RUNX2: variants seen among roughly 807,000 people sequenced by gnomAD.
RUNX2 encodes RUNX family transcription factor 2.
A neutral mutation model predicts 51.7 loss-of-function variants in RUNX2; 10 were observed. The observed-to-expected ratio is 0.19, with a 90% confidence interval of 0.12 to 0.33. The LOEUF (loss-of-function observed/expected upper bound fraction) is 0.33, where lower values mean the gene tolerates loss of function less well. RUNX2 is among the 10% of genes least tolerant of loss of function. The pLI, the probability that RUNX2 is intolerant of heterozygous loss-of-function variation, is 1.00. For missense variants in RUNX2, 562 were observed against 691.3 expected (o/e 0.81, Z 2.10); for synonymous variants, 276 against 273.6 (o/e 1.01, Z -0.09).
chr6:45,478,856 A>G (rs893759301), intron 5 of RUNX2, among the ~76,000 whole-genome samples: 1 of 152,098 alleles, frequency 6.6e-6, no homozygotes, highest in African/African-American at 2.4e-5. Flanking sequence ...GGCAGTCATC[A>G]ATTCCATAGG....
chr6:45,371,393 A>C (rs1374726391), intron 2 of RUNX2, among the ~76,000 whole-genome samples: 2 of 137,456 alleles, frequency 1.5e-5, no homozygotes, highest in Non-Finnish European at 3.2e-5. Context: ...GTATTAGCTC[A>C]CTTTTTTTTT....
chr6:45,401,162 G>T (rs1384797726), intron 2 of RUNX2, among the ~76,000 whole-genome samples: 2 of 152,158 alleles, frequency 1.3e-5, no homozygotes, highest in East Asian at 1.9e-4. Context: ...TTAAATTCTG[G>T]ATTATCTTCC....
chr6:45,541,491 A>G (rs1271551968), intron 7 of RUNX2, among the ~76,000 whole-genome samples: 1 of 152,238 alleles, frequency 6.6e-6, no homozygotes, highest in Non-Finnish European at 1.5e-5. Context: ...TCCAATAGAA[A>G]GAACTCTGAG....
chr6:45,439,209 T>C (rs1045538771), intron 5 of RUNX2, among the ~76,000 whole-genome samples: 3 of 152,118 alleles, frequency 2.0e-5, no homozygotes, highest in Non-Finnish European at 4.4e-5. Flanking sequence ...CAAAAGCAAG[T>C]CTTTGAGGTT....
At chr6:45,370,895 C>T (rs75969313) in intron 2 of RUNX2, among the ~76,000 whole-genome samples, 2,652 of 152,124 alleles carry the variant, frequency 0.017, 50 homozygotes, top group South Asian at 0.085. Context: ...ATATCCAGTA[C>T]TCTCACAGAA....
intron 2 of RUNX2, among the ~76,000 whole-genome samples, chr6:45,371,053 CTTAA>C (rs972441186): frequency 7.2e-5 from 11 of 152,080 alleles, no homozygotes; most frequent in East Asian, 1.9e-4. Flanking sequence ...CTTACACAAA[CTTAA>C]TTAAAGAGTT....
At chr6:45,408,532 G>C (rs1226568924) in intron 2 of RUNX2, among the ~76,000 whole-genome samples, 1 of 152,022 alleles carries the variant, frequency 6.6e-6, no homozygotes, top group Non-Finnish European at 1.5e-5. Context: ...AAAAGTCACT[G>C]AATCAAATGT....
chr6:45,369,196 ACAGT>A (rs1462405496), intron 2 of RUNX2, among the ~76,000 whole-genome samples: 1 of 152,030 alleles, frequency 6.6e-6, no homozygotes, highest in Non-Finnish European at 1.5e-5. Flanking sequence ...CTTTTCTACC[ACAGT>A]CAAATCAAAC....
intron 5 of RUNX2, among the ~76,000 whole-genome samples, chr6:45,484,023 G>A (rs924899925): frequency 6.6e-6 from 1 of 152,216 alleles, no homozygotes. Context: ...GAGCAGGTAA[G>A]TGACATGAAT....
rs1800745670 is a variant in RUNX2 at position 45,499,716 on chromosome 6, TAA to T, written c.859+7603_859+7604del. On this transcript the variant is annotated intron_variant, in intron 6 of 8. Coordinates refer to ENST00000647337, the MANE Select transcript of RUNX2 (RefSeq NM_001024630.4). Reference sequence around the variant, plus strand: ...TGTAATTTTCTCCTATCTGGGAATATAAGATGCATAGTTAACACTTAGTTGTG... The same window carrying T: ...TGTAATTTTCTCCTATCTGGGAATATGATGCATAGTTAACACTTAGTTGTG... Among the ~76,000 whole-genome samples, 3 of 152,196 alleles carry T rather than the reference TAA, an allele frequency of 2.0e-5. No individual in the cohort carries two copies. The South Asian group carries it at 6.2e-4, about 31-fold the overall frequency.
At chr6:45,451,166 G>A (rs1047183547) in intron 5 of RUNX2, among the ~76,000 whole-genome samples, 8 of 152,180 alleles carry the variant, frequency 5.3e-5, no homozygotes, top group African/African-American at 1.9e-4. Context: ...CAAATTGGTA[G>A]GGAAAGCAGG....
intron 2 of RUNX2, among the ~76,000 whole-genome samples, chr6:45,410,115 G>C (rs1563073576): frequency 6.6e-6 from 1 of 152,212 alleles, no homozygotes; most frequent in Non-Finnish European, 1.5e-5. Flanking sequence ...GGAAGGCCAG[G>C]ACATGAAGGG....
chr6:45,393,947 C>T (rs547903010), intron 2 of RUNX2, among the ~76,000 whole-genome samples: 28 of 149,448 alleles, frequency 1.9e-4, no homozygotes, highest in South Asian at 8.5e-4. Flanking sequence ...TTTTTGAGAC[C>T]GAGTCTCACT....
At chr6:45,403,755 TC>T (rs1797771341) in intron 2 of RUNX2, among the ~76,000 whole-genome samples, 1 of 152,138 alleles carries the variant, frequency 6.6e-6, no homozygotes, top group Non-Finnish European at 1.5e-5. Context: ...GAGCTGACAT[TC>T]TAACCTATGT....
chr6:45,390,438 GC>G (rs930212164), intron 2 of RUNX2, among the ~76,000 whole-genome samples: 5 of 152,248 alleles, frequency 3.3e-5, no homozygotes, highest in Admixed American at 1.3e-4. Flanking sequence ...ATTATCATGT[GC>G]TTTTTCACCT....
intron 5 of RUNX2, among the ~76,000 whole-genome samples, chr6:45,460,808 T>C (rs1188962452): frequency 6.6e-6 from 1 of 152,166 alleles, no homozygotes; most frequent in Non-Finnish European, 1.5e-5. Context: ...ACAAACCACT[T>C]TGTCTCTCAG....
chr6:45,510,043 G>A (rs1406131573), intron 6 of RUNX2, among the ~76,000 whole-genome samples: 1 of 152,198 alleles, frequency 6.6e-6, no homozygotes, highest in Non-Finnish European at 1.5e-5. Flanking sequence ...GTGCTGTAAG[G>A]AATGAATCTT....
At chr6:45,372,148 C>A in intron 2 of RUNX2, 1 of 437,500 alleles carries the variant, frequency 2.3e-6, no homozygotes, top group Non-Finnish European at 3.0e-6. Flanking sequence ...AAGAGCTAGG[C>A]TCTGGAGTTA....
At chr6:45,456,129 TAA>T (rs1241607213) in intron 5 of RUNX2, among the ~76,000 whole-genome samples, 1 of 152,178 alleles carries the variant, frequency 6.6e-6, no homozygotes, top group African/African-American at 2.4e-5. Flanking sequence ...GAAAAAAAGG[TAA>T]AAAGTCATTT....
Sources: allele counts gnomAD v4.1 joint callset (sites outside exome capture counted in the v4.1 genomes callset), GRCh38; gene constraint gnomAD v4.1.1; transcripts MANE v1.5; gene names NCBI Gene and HGNC (gene_info 2026-07-23, HGNC 2026-07-21).